The following RNF145 variants were observed in gnomAD, a reference collection of about 807,000 sequenced individuals.
The protein encoded by RNF145 is ring finger protein 145.
RNF145 carries 12 observed loss-of-function variants against 57.3 expected under a neutral mutation model. That is an observed-to-expected ratio of 0.21 (90% CI 0.13 to 0.34). RNF145 has a LOEUF of 0.34. RNF145 is among the 10% of genes least tolerant of loss of function. The pLI is 1.00. For synonymous variants in RNF145, 262 were observed against 288.3 expected, an observed-to-expected ratio of 0.91 and a Z score of 0.92; for missense variants, 429 against 799.0, an observed-to-expected ratio of 0.54 and a Z score of 5.58.
At chr5:159,209,602 C>CA, upstream of RNF145, 7 of 1,057,666 alleles carry the variant, frequency 6.6e-6, no homozygotes, top group Non-Finnish European at 6.9e-6. Flanking sequence ...GCGGCCCAGC[C>CA]AGCGCGGCGC....
chr5:159,173,763 C>A (rs1005967625), intron 6 of RNF145, among the ~76,000 whole-genome samples: 1 of 152,196 alleles, frequency 6.6e-6, no homozygotes, highest in Non-Finnish European at 1.5e-5. Context: ...AAATCATTTG[C>A]TACACTCTGG....
chr5:159,169,080 A>C, intron 7 of RNF145, 25 bp from the exon 8 acceptor site: 1 of 1,487,556 alleles, frequency 6.7e-7, no homozygotes, highest in Non-Finnish European at 9.0e-7. Context: ...CATTTTCAGA[A>C]AACATAAAAT....
intron 3 of RNF145, among the ~76,000 whole-genome samples, 181 bp downstream of exon 3, chr5:159,194,535 A>G (rs1308638083): frequency 1.3e-5 from 2 of 152,242 alleles, no homozygotes; most frequent in Non-Finnish European, 2.9e-5. Context: ...TAAAAGCAGA[A>G]ATAAAATGTC....
intron 3 of RNF145, among the ~76,000 whole-genome samples, chr5:159,186,811 T>C (rs926530846): frequency 6.6e-6 from 1 of 152,222 alleles, no homozygotes; most frequent in Non-Finnish European, 1.5e-5. Flanking sequence ...TGGTCAATTT[T>C]ATTCCTGTCA....
chr5:159,204,396 C>A (rs1249601833), intron 1 of RNF145, among the ~76,000 whole-genome samples: 1 of 148,120 alleles, frequency 6.8e-6, no homozygotes, highest in Admixed American at 6.7e-5. Context: ...TGGGGGGGGG[C>A]AGGGGGAGGA....
At chr5:159,194,017 C>T (rs1785371294) in intron 3 of RNF145, among the ~76,000 whole-genome samples, 1 of 152,178 alleles carries the variant, frequency 6.6e-6, no homozygotes, top group African/African-American at 2.4e-5. Flanking sequence ...AAGTAGAAAG[C>T]TCATATTCAT....
In RNF145 at chr5:159,176,671, A is replaced by T. The variant is rs751029511; in HGVS notation, c.582T>A (p.Pro194=). ...TGTATGCAGATTTAGCAAGGTTATA[A>T]GGTACCAAAAGATTAGACCCAAGAA... is the stretch of plus-strand genomic sequence containing the variant. ...LYFLGSNLLV[P]YNLAKSAYRE... The change falls in exon 5 of 11, where the codon CCT becomes CCA. Residue 194 remains proline (P), a synonymous_variant. Transcript: ENST00000424310. The T allele has an allele frequency of 2.5e-6, 4 of 1,611,972 alleles. No homozygotes were observed. Among genetic ancestry groups the T allele is most frequent in the African/African-American group, 1.3e-5 (1 of 74,966 alleles).
At chr5:159,190,359 A>C (rs1029466539) in intron 3 of RNF145, among the ~76,000 whole-genome samples, 3 of 151,988 alleles carry the variant, frequency 2.0e-5, no homozygotes, top group African/African-American at 7.3e-5. Flanking sequence ...TTAATCAGGT[A>C]TGTGACTATC....
At chr5:159,173,938 C>T in intron 6 of RNF145, 45 bp downstream of exon 6, 1 of 1,306,358 alleles carries the variant, frequency 7.7e-7, no homozygotes, top group Non-Finnish European at 1.0e-6. Context: ...TCAAAGTTTT[C>T]TCTTTCTAAG....
intron 3 of RNF145, among the ~76,000 whole-genome samples, chr5:159,188,051 A>G (rs1055309286): frequency 6.6e-6 from 1 of 152,098 alleles, no homozygotes; most frequent in Non-Finnish European, 1.5e-5. Context: ...CACAAATCCA[A>G]TATGTTGGTT....
chr5:159,197,716 T>G (rs1785506067), intron 2 of RNF145, among the ~76,000 whole-genome samples: 1 of 152,150 alleles, frequency 6.6e-6, no homozygotes, highest in Non-Finnish European at 1.5e-5. Flanking sequence ...CATAACAAAC[T>G]AAGTTGACAA....
intron 5 of RNF145, among the ~76,000 whole-genome samples, chr5:159,174,423 A>G (rs1240667556): frequency 6.6e-6 from 1 of 152,178 alleles, no homozygotes; most frequent in Admixed American, 6.5e-5. Context: ...TAAGGTCAAA[A>G]TAAGGTCATA....
chr5:159,169,841 T>A, intron 6 of RNF145, 22 bp from the exon 7 acceptor site: 1 of 1,581,282 alleles, frequency 6.3e-7, no homozygotes, highest in African/African-American at 1.4e-5. Context: ...GAGGGGGAAA[T>A]TAACAGACAT....
chr5:159,201,329 G>A (rs888805660), intron 2 of RNF145, among the ~76,000 whole-genome samples: 2 of 152,212 alleles, frequency 1.3e-5, no homozygotes, highest in East Asian at 3.9e-4. Context: ...CAGCAACTTC[G>A]CTTCTAGTAA....
chr5:159,209,631 C>A (rs1176266986), upstream of RNF145: 30 of 1,060,670 alleles, frequency 2.8e-5, no homozygotes, highest in African/African-American at 4.5e-4. Context: ...CGCGCGCGCC[C>A]GCGCTCACTC....
At position 159,182,051 on chromosome 5, in the gene RNF145, C is replaced by T. The variant is rs760279422; in HGVS notation, c.294G>A (p.Arg98=). 13 of 1,573,872 alleles carry T rather than the reference C, an allele frequency of 8.3e-6. No homozygotes were observed. Among genetic ancestry groups the T allele is most frequent in the South Asian group, 1.1e-5 (1 of 90,020 alleles). ...LLLYAGHQIS[R]DYVRSELEFA... ...ACTCCAGTTCACTCCGAACATAGTC[C>T]CTAAATAAGAAAATTGATTAGAATG... The change falls in exon 4 of 11, where the codon AGG becomes AGA. Residue 98 remains arginine (R), a splice_region_variant and synonymous_variant. Coordinates refer to ENST00000424310, the MANE Select transcript of RNF145 (RefSeq NM_001199383.2).
chr5:159,203,788 A>C, intron 1 of RNF145, 132 bp from the exon 2 acceptor site: 3 of 614,908 alleles, frequency 4.9e-6, no homozygotes, highest in Non-Finnish European at 8.5e-6. Flanking sequence ...CTTCTCAGCC[A>C]CAACTACTAT....
chr5:159,196,038 T>C (rs1785448771), intron 2 of RNF145, among the ~76,000 whole-genome samples: 1 of 152,090 alleles, frequency 6.6e-6, no homozygotes, highest in South Asian at 2.1e-4. Flanking sequence ...ACCCTTCCAT[T>C]CCAACCTCTA....
chr5:159,162,716 G>A (rs1357804004), intron 9 of RNF145, among the ~76,000 whole-genome samples: 6 of 151,420 alleles, frequency 4.0e-5, no homozygotes, highest in African/African-American at 1.2e-4. Context: ...TTACAGGCGT[G>A]AGCCACCGCG....
Sources: gnomAD v4.1 joint callset for allele counts (sites outside exome capture counted in the v4.1 genomes callset) on GRCh38, gnomAD v4.1.1 for gene constraint, MANE v1.5 for transcripts, NCBI Gene and HGNC (gene_info 2026-07-23, HGNC 2026-07-21) for gene names.